Variants in KIRREL3 observed in about 807,000 individuals in gnomAD.
KIRREL3 encodes the protein kin of IRRE-like protein 3.
A neutral mutation model predicts 89.7 loss-of-function variants in KIRREL3; 36 were observed. The ratio of observed to expected loss-of-function variants is 0.40; its 90% confidence interval spans 0.31 to 0.53. KIRREL3 has a LOEUF of 0.53. Ranked by LOEUF, KIRREL3 falls within the 20% of genes least tolerant of loss-of-function variation. KIRREL3 has a pLI of 0.49. For synonymous variants in KIRREL3, 445 were observed against 441.4 expected (o/e 1.01, Z -0.10); for missense variants, 864 against 1,056.6 (o/e 0.82, Z 2.53).
At chr11:126,500,113 C>T (rs1248498569) in intron 4 of KIRREL3, among the ~76,000 whole-genome samples, 1 of 152,202 alleles carries the variant, frequency 6.6e-6, no homozygotes, top group Non-Finnish European at 1.5e-5. Context: ...TCTAGTTCCC[C>T]AGGTCCAGAT....
rs975170346 is a variant in KIRREL3 at position 126,812,922 on chromosome 11, G to A, written c.55+187533C>T. On this transcript the variant is annotated intron_variant, in intron 1 of 16. Transcript: ENST00000525144. This position sits in a 1 kb window ranked among gnomAD's most constrained non-coding sequence, Gnocchi z 5.2. ...GTGACCGGGAAGCTGGGCTCTCATT[G>A]GAGGTTGTTGGGCTGCAGTTCACGG... Among the ~76,000 whole-genome samples, 1 of 152,172 alleles carries A rather than the reference G, an allele frequency of 6.6e-6. No individual in the cohort carries two copies. The highest frequency in any genetic ancestry group is 1.5e-5 in the Non-Finnish European group (1 of 68,044).
chr11:126,429,393 C>G lies in KIRREL3; in HGVS notation c.1697-105G>C, dbSNP rs564201836. 5 of 735,832 alleles carry G rather than the reference C, an allele frequency of 6.8e-6. No individual in the cohort carries two copies. The East Asian group carries it at 1.4e-4, about 20-fold the overall frequency. The allele number at this position is 735,832 out of a possible 1,614,324, so 45.6% of individuals were successfully genotyped here. The stretch of plus-strand genomic sequence containing the variant: ...CCCTGCCCTGCCACCCTCTGCATTT[C>G]CCCTCCAGCCCCTGAACTCAGCAGC... On this transcript the variant is annotated intron_variant, in intron 14 of 16. Transcript: ENST00000525144. This position sits in a 1 kb window ranked among gnomAD's most constrained non-coding sequence, Gnocchi z 5.2.
chr11:126,995,431 ACCCC>A lies in KIRREL3; in HGVS notation c.55+5020_55+5023del. The A allele has an allele frequency of 2.4e-6, 1 of 414,496 alleles. No individual in the cohort carries two copies. The highest frequency in any genetic ancestry group is 2.1e-5 in the African/African-American group (1 of 48,142). 25.7% of individuals were successfully genotyped at this position (414,496 alleles called of 1,614,324 possible). On this transcript the variant is annotated intron_variant, in intron 1 of 16. Coordinates refer to ENST00000525144, the MANE Select transcript of KIRREL3 (RefSeq NM_032531.4). The surrounding 1 kb of genome is among the most constrained non-coding windows in gnomAD (Gnocchi z 6.5). ...TCAGTGCCTCTCTGTTTCTTGATGG[ACCCC>A]AATAAAAAAACGCCTGCACTGTTTT...
rs1945398259 is a variant in KIRREL3, at chr11:126,879,033, G to A, written c.55+121422C>T. 6.6e-6 allele frequency among the ~76,000 whole-genome samples: 1 copy of A among 152,166 alleles called. No homozygotes were observed. Among genetic ancestry groups the A allele is most frequent in the Admixed American group, 6.5e-5 (1 of 15,276 alleles). On this transcript the variant is annotated intron_variant, in intron 1 of 16. Transcript: ENST00000525144. The surrounding 1 kb of genome is among the most constrained non-coding windows in gnomAD (Gnocchi z 5.4). ...AATCAGTGTATCTTTCTTCCTTACA[G>A]CTAAGCAATCTTTGTCAATTACAGG...
intron 10 of KIRREL3, among the ~76,000 whole-genome samples, chr11:126,442,968 C>T (rs772679979): frequency 7.2e-5 from 11 of 152,182 alleles, no homozygotes; most frequent in Non-Finnish European, 1.6e-4. Context: ...CCTTGGTCAG[C>T]GCCAGGGCCC....
At chr11:126,634,441 A>C (rs775938685) in intron 1 of KIRREL3, among the ~76,000 whole-genome samples, 1 of 152,190 alleles carries the variant, frequency 6.6e-6, no homozygotes, top group African/African-American at 2.4e-5. Context: ...CCAGGCTAAC[A>C]TCTACCCTCT....
In KIRREL3 at chr11:126,904,386, C is replaced by A. The variant is rs942005834; in HGVS notation, c.55+96069G>T. 2.0e-5 allele frequency among the ~76,000 whole-genome samples: 3 copies of A among 152,180 alleles called. No individual in the cohort carries two copies. Among genetic ancestry groups the A allele is most frequent in the Admixed American group, 1.3e-4 (2 of 15,278 alleles). On this transcript the variant is annotated intron_variant, in intron 1 of 16. Transcript: ENST00000525144. The surrounding 1 kb of genome is among the most constrained non-coding windows in gnomAD (Gnocchi z 4.4). ...TTAAATTGGGTCTTGATGTTTACTG[C>A]ATCTCTGACTGCAATAAGACTGATC... is the stretch of plus-strand genomic sequence containing the variant.
intron 1 of KIRREL3, among the ~76,000 whole-genome samples, chr11:126,957,000 C>G (rs1304084409): frequency 6.6e-6 from 1 of 152,180 alleles, no homozygotes; most frequent in African/African-American, 2.4e-5. Flanking sequence ...TGCACGCGAT[C>G]TGATTCTGCA....
In KIRREL3 at chr11:126,778,820, T is replaced by C. The variant is rs953531435; in HGVS notation, c.56-215908A>G. On this transcript the variant is annotated intron_variant, in intron 1 of 16. Coordinates refer to ENST00000525144, the MANE Select transcript of KIRREL3 (RefSeq NM_032531.4). The surrounding 1 kb of genome is among the most constrained non-coding windows in gnomAD (Gnocchi z 4.5). ...TTTCCATTCCATTCAAGGACCCATT[T>C]ATATAAGTCCAGCATGGAAAAACTG... Among the ~76,000 whole-genome samples, 1 of 152,242 alleles carries C rather than the reference T, an allele frequency of 6.6e-6. No homozygotes were observed. The highest frequency in any genetic ancestry group is 1.5e-5 in the Non-Finnish European group (1 of 68,050).
At chr11:126,858,621 TAAG>T (rs1454387115) in intron 1 of KIRREL3, among the ~76,000 whole-genome samples, 1 of 152,174 alleles carries the variant, frequency 6.6e-6, no homozygotes, top group Non-Finnish European at 1.5e-5. Flanking sequence ...TTTGATCTCA[TAAG>T]AGGTCAGTAG....
In KIRREL3 at chr11:126,697,151, C is replaced by T. The variant is rs1947130766; in HGVS notation, c.56-134239G>A. 6.6e-6 allele frequency among the ~76,000 whole-genome samples: 1 copy of T among 152,186 alleles called. No individual in the cohort carries two copies. The highest frequency in any genetic ancestry group is 2.1e-4 in the South Asian group (1 of 4,826). On this transcript the variant is annotated intron_variant, in intron 1 of 16. Coordinates refer to ENST00000525144, the MANE Select transcript of KIRREL3 (RefSeq NM_032531.4). The surrounding 1 kb of genome is among the most constrained non-coding windows in gnomAD (Gnocchi z 4.2). The stretch of plus-strand genomic sequence containing the variant: ...TTGCAAATGAAGGCTTAGTCACTTC[C>T]TCCGCTGGTCCCCCAGACCTGTGTT...
At chr11:126,517,159 AG>A (rs1958441238) in intron 4 of KIRREL3, among the ~76,000 whole-genome samples, 3 of 152,082 alleles carry the variant, frequency 2.0e-5, no homozygotes, top group African/African-American at 7.2e-5. Flanking sequence ...AGAGAGAGAG[AG>A]AGAGAGAGAG....
At chr11:126,457,553 A>G (rs928784057) in intron 6 of KIRREL3, among the ~76,000 whole-genome samples, 4 of 139,408 alleles carry the variant, frequency 2.9e-5, no homozygotes, top group Non-Finnish European at 6.4e-5. Flanking sequence ...AGAGACAAAG[A>G]TGAGGAAGTG....
chr11:126,443,965 C>G lies in KIRREL3; in HGVS notation c.1252+1014G>C, dbSNP rs1480293236. 6.6e-6 allele frequency among the ~76,000 whole-genome samples: 1 copy of G among 152,216 alleles called. No individual in the cohort carries two copies. Among genetic ancestry groups the G allele is most frequent in the Non-Finnish European group, 1.5e-5 (1 of 68,042 alleles). ...AACGGCAGAGGAATCGAACTGGCAG[C>G]TTTGCTTTTTGCCTGTGGCCAAAGC... On this transcript the variant is annotated intron_variant, in intron 10 of 16. Transcript: ENST00000525144. This position sits in a 1 kb window ranked among gnomAD's most constrained non-coding sequence, Gnocchi z 7.3.
rs1272124388 is a variant in KIRREL3 at position 126,802,523 on chromosome 11, C to G, written c.55+197932G>C. Among the ~76,000 whole-genome samples, 1 of 152,170 alleles carries G rather than the reference C, an allele frequency of 6.6e-6. No individual in the cohort carries two copies. The highest frequency in any genetic ancestry group is 1.5e-5 in the Non-Finnish European group (1 of 68,032). On this transcript the variant is annotated intron_variant, in intron 1 of 16. Transcript: ENST00000525144. This position sits in a 1 kb window ranked among gnomAD's most constrained non-coding sequence, Gnocchi z 5.2. ...TGTGTCCTCCAGCTTCCTCCCACATCCCAAAGCTGTCACATGAGGTGACCT... is the reference window on the plus strand; with the variant it reads ...TGTGTCCTCCAGCTTCCTCCCACATGCCAAAGCTGTCACATGAGGTGACCT...
intron 1 of KIRREL3, among the ~76,000 whole-genome samples, chr11:126,670,848 C>T (rs537980272): frequency 1.9e-3 from 292 of 152,166 alleles, no homozygotes; most frequent in African/African-American, 6.6e-3. Context: ...TATAGAATGG[C>T]GAAGGACCTA....
Position 126,424,186 on chromosome 11 carries a change from T to G in KIRREL3, c.*394A>C. ...CAGGCACAGGGGTAGGTAGAGCTTC[T>G]GGTCAGCGAGGGGTAGAGCCCACAG... On this transcript the variant is annotated 3_prime_UTR_variant, in exon 17 of 17. Coordinates refer to ENST00000525144, the MANE Select transcript of KIRREL3 (RefSeq NM_032531.4). 3.9e-6 allele frequency: 1 copy of G among 258,838 alleles called. No individual in the cohort carries two copies. The allele number at this position is 258,838 out of a possible 1,614,324, so 16.0% of individuals were successfully genotyped here. A position where few individuals can be genotyped will look rare whatever the true frequency, so the allele number is the denominator to read the frequency against.
rs1215661315 is a variant in KIRREL3, at chr11:126,525,990, C to T, written c.283+548G>A. ...TGTCCCAGGGTAGCTTTGCTGAATA[C>T]CAGCCTGCCCAAGCCGAACATAGTT... On this transcript the variant is annotated intron_variant, in intron 3 of 16. Coordinates refer to ENST00000525144, the MANE Select transcript of KIRREL3 (RefSeq NM_032531.4). This position sits in a 1 kb window ranked among gnomAD's most constrained non-coding sequence, Gnocchi z 5.4. Among the ~76,000 whole-genome samples the T allele has an allele frequency of 3.9e-5, 6 of 152,198 alleles. No individual in the cohort carries two copies. Among genetic ancestry groups the T allele is most frequent in the Non-Finnish European group, 8.8e-5 (6 of 68,044 alleles).
chr11:126,542,752 A>G (rs12295571), intron 2 of KIRREL3, among the ~76,000 whole-genome samples: 3,059 of 152,292 alleles, frequency 0.02, 103 homozygotes, highest in African/African-American at 0.07. Context: ...GTAAAATAAG[A>G]AGCTGTGAAA....
Sources: gnomAD v4.1 joint callset for allele counts (sites outside exome capture counted in the v4.1 genomes callset) on GRCh38, gnomAD v4.1.1 for gene constraint, Gnocchi (gnomAD v3.1) non-coding constraint, MANE v1.5 for transcripts, NCBI Gene and HGNC (gene_info 2026-07-23, HGNC 2026-07-21) for gene names.